Variants in CRPPA observed in about 807,000 individuals in gnomAD.
CRPPA encodes the protein D-ribitol-5-phosphate cytidylyltransferase.
In CRPPA, 43 loss-of-function variants were observed where a neutral mutation model predicts 52.0. The observed-to-expected ratio is 0.83, with a 90% CI of 0.65 to 1.07. CRPPA has a LOEUF of 1.07. CRPPA is among the 50% of genes least tolerant of loss of function. The pLI, the probability that CRPPA is intolerant of heterozygous loss-of-function variation, is 0.00. For missense variants in CRPPA, 629 were observed against 551.7 expected, an observed-to-expected ratio of 1.14 and a Z score of -1.40; for synonymous variants, 250 against 203.5, an observed-to-expected ratio of 1.23 and a Z score of -1.94.
chr7:16,369,164 C>T (rs757616204), intron 3 of CRPPA, among the ~76,000 whole-genome samples: 1 of 152,132 alleles, frequency 6.6e-6, no homozygotes, highest in Non-Finnish European at 1.5e-5. Context: ...CATCGGCAAG[C>T]TACTGCCTTA....
chr7:16,134,477 T>C lies in CRPPA; in HGVS notation c.1252-42678A>G, dbSNP rs564374050. On this transcript the variant is annotated intron_variant, in intron 9 of 9. Coordinates refer to ENST00000407010, the MANE Select transcript of CRPPA (RefSeq NM_001101426.4). ...TCCCTGGTGACAAAAAGGTTGGGGA[T>C]TGCTGGCATACAAAATATGTATTAA... Among the ~76,000 whole-genome samples, 12 of 152,254 alleles carry C rather than the reference T, an allele frequency of 7.9e-5. 1 individual carries two copies. The highest frequency in any genetic ancestry group is 2.6e-4 in the African/African-American group (11 of 41,560).
At chr7:16,382,924 G>A (rs559897924) in intron 2 of CRPPA, among the ~76,000 whole-genome samples, 1 of 152,056 alleles carries the variant, frequency 6.6e-6, no homozygotes, top group Non-Finnish European at 1.5e-5. Flanking sequence ...TAACTTCTTT[G>A]CCTTTGGCTT....
Position 16,317,772 on chromosome 7 carries a change from T to A in CRPPA, c.685-9145A>T, listed in dbSNP as rs114586049. ...CTTGGGACACATCCAGAAGTGAAAT[T>A]GCTAAATTATATGTGAGTTCTATTT... is the stretch of plus-strand genomic sequence containing the variant. On this transcript the variant is annotated intron_variant, in intron 3 of 9. Coordinates refer to ENST00000407010, the MANE Select transcript of CRPPA (RefSeq NM_001101426.4). Among the ~76,000 whole-genome samples, 528 of 152,242 alleles carry A rather than the reference T, an allele frequency of 3.5e-3. 5 individuals carry two copies. The highest frequency in any genetic ancestry group is 0.012 in the African/African-American group (503 of 41,570).
chr7:16,189,021 A>C (rs1255470285), intron 9 of CRPPA, among the ~76,000 whole-genome samples: 1 of 152,154 alleles, frequency 6.6e-6, no homozygotes, highest in Non-Finnish European at 1.5e-5. Context: ...GATGATCCAT[A>C]CTCATGCAAA....
intron 9 of CRPPA, among the ~76,000 whole-genome samples, chr7:16,175,726 A>G (rs1781282884): frequency 6.6e-6 from 1 of 152,198 alleles, no homozygotes; most frequent in Admixed American, 6.5e-5. Flanking sequence ...TAATTATGCA[A>G]ATTATGTATT....
chr7:16,193,986 C>A (rs553539417), intron 9 of CRPPA, among the ~76,000 whole-genome samples: 4 of 151,918 alleles, frequency 2.6e-5, no homozygotes, highest in African/African-American at 9.7e-5. Flanking sequence ...GCTGATATCA[C>A]GAAAATTGAA....
intron 1 of CRPPA, among the ~76,000 whole-genome samples, chr7:16,419,076 T>C (rs1025543776): frequency 1.3e-5 from 2 of 152,222 alleles, no homozygotes; most frequent in African/African-American, 4.8e-5. Flanking sequence ...AAGTGGTTCA[T>C]GAAATGGTTT....
intron 2 of CRPPA, among the ~76,000 whole-genome samples, chr7:16,382,007 G>T (rs1291790457): frequency 2.0e-5 from 3 of 151,788 alleles, no homozygotes; most frequent in African/African-American, 7.3e-5. Flanking sequence ...AGTTAATATT[G>T]TTATGTGTGA....
At chr7:16,398,540 A>G (rs1266645875) in intron 2 of CRPPA, among the ~76,000 whole-genome samples, 1 of 152,214 alleles carries the variant, frequency 6.6e-6, no homozygotes, top group African/African-American at 2.4e-5. Flanking sequence ...CAAATGATCG[A>G]CATAAGTGAC....
chr7:16,239,892 C>T (rs764607157), intron 8 of CRPPA, among the ~76,000 whole-genome samples: 4 of 152,072 alleles, frequency 2.6e-5, no homozygotes, highest in African/African-American at 4.8e-5. Flanking sequence ...AAAACTTAGA[C>T]AAAGTCCTCT....
In CRPPA at chr7:16,406,185, A is replaced by G. The variant is rs371919730; in HGVS notation, c.410T>C (p.Leu137Pro). The stretch of plus-strand genomic sequence containing the variant: ...TTTAGAGTTGATCTGATCTTCTGCC[A>G]GTGCTTTTAGTCCATTGAAAATTGA... ...HRSIFNGLKA[L>P]AEDQINSKLS... Residue 137 changes from leucine to proline, a missense_variant, in exon 2 of 10, where the codon CTG (leucine) becomes CCG (proline). Coordinates refer to ENST00000407010, the MANE Select transcript of CRPPA (RefSeq NM_001101426.4). 5.0e-6 allele frequency: 8 copies of G among 1,613,898 alleles called. No individual in the cohort carries two copies. Among genetic ancestry groups the G allele is most frequent in the South Asian group, 1.1e-5 (1 of 91,088 alleles).
At chr7:16,292,963 C>T (rs762429058) in intron 5 of CRPPA, among the ~76,000 whole-genome samples, 3 of 151,856 alleles carry the variant, frequency 2.0e-5, no homozygotes, top group Non-Finnish European at 4.4e-5. Context: ...TTTAATTTCA[C>T]AAAACAGTAA....
At chr7:16,379,252 A>T (rs1477420989) in intron 2 of CRPPA, among the ~76,000 whole-genome samples, 1 of 152,174 alleles carries the variant, frequency 6.6e-6, no homozygotes, top group African/African-American at 2.4e-5. Context: ...TCTAACGTTT[A>T]AGTCTTTAAT....
intron 3 of CRPPA, among the ~76,000 whole-genome samples, chr7:16,373,439 G>A (rs535543291): frequency 6.6e-6 from 1 of 152,180 alleles, no homozygotes; most frequent in East Asian, 1.9e-4. Context: ...TATATACTTG[G>A]TGTTAGTAAT....
In CRPPA at chr7:16,295,599, T is replaced by C. The variant is rs578030693; in HGVS notation, c.835+5822A>G. 8.7e-4 allele frequency among the ~76,000 whole-genome samples: 133 copies of C among 152,218 alleles called. 2 individuals are homozygous for C. The highest frequency in any genetic ancestry group is 3.1e-3 in the African/African-American group (129 of 41,556). On this transcript the variant is annotated intron_variant, in intron 5 of 9. Coordinates refer to ENST00000407010, the MANE Select transcript of CRPPA (RefSeq NM_001101426.4). ...ATGAAGAATGGAGGTAGAAAATAAA[T>C]GCAATAGTTTATTTAGAAATTCCAC... is the stretch of plus-strand genomic sequence containing the variant.
intron 9 of CRPPA, among the ~76,000 whole-genome samples, chr7:16,194,100 A>T (rs1241932393): frequency 6.6e-6 from 1 of 152,128 alleles, no homozygotes; most frequent in Non-Finnish European, 1.5e-5. Flanking sequence ...AACAGATGAA[A>T]AACTAGAGTG....
intron 9 of CRPPA, among the ~76,000 whole-genome samples, chr7:16,165,983 T>C (rs1331751868): frequency 6.6e-6 from 1 of 152,258 alleles, no homozygotes; most frequent in Non-Finnish European, 1.5e-5. Context: ...AAGTTTTCCT[T>C]ATTTGAAAGA....
intron 6 of CRPPA, among the ~76,000 whole-genome samples, chr7:16,266,872 A>G (rs1783970909): frequency 6.6e-6 from 1 of 152,222 alleles, no homozygotes; most frequent in Non-Finnish European, 1.5e-5. Flanking sequence ...AGCTTTCATG[A>G]CAGATTATAC....
intron 8 of CRPPA, among the ~76,000 whole-genome samples, chr7:16,241,970 T>TCTTTG (rs1554296973): frequency 9.5e-6 from 1 of 104,896 alleles, no homozygotes; most frequent in Non-Finnish European, 1.9e-5. Flanking sequence ...TTTTTTTTTG[T>TCTTTG]TGGGGGGAGA....
Sources: gnomAD v4.1 joint callset for allele counts (sites outside exome capture counted in the v4.1 genomes callset) on GRCh38, gnomAD v4.1.1 for gene constraint, MANE v1.5 for transcripts, NCBI Gene and HGNC (gene_info 2026-07-23, HGNC 2026-07-21) for gene names.